The following RBFOX1 variants were observed in gnomAD, a reference collection of about 807,000 sequenced individuals.
The protein encoded by RBFOX1 is RNA binding fox-1 homolog 1.
RBFOX1 carries 8 observed loss-of-function variants against 57.7 expected under a neutral mutation model. The observed-to-expected ratio is 0.14, with a 90% CI of 0.08 to 0.25. The LOEUF (loss-of-function observed/expected upper bound fraction) is 0.25, where lower values mean the gene tolerates loss of function less well. Ranked by LOEUF, RBFOX1 falls within the 10% of genes least tolerant of loss-of-function variation. The probability of loss-of-function intolerance (pLI) is 1.00; values close to 1 mark genes in which losing one functional copy is unlikely to be tolerated. For missense variants in RBFOX1, 611 were observed against 548.5 expected, an observed-to-expected ratio of 1.11 and a Z score of -1.14; for synonymous variants, 326 against 222.4, an observed-to-expected ratio of 1.47 and a Z score of -4.15.
rs2057743477 is a variant in RBFOX1 at position 5,880,810 on chromosome 16, CTATT to C, written c.351+13479_351+13482del. Among the ~76,000 whole-genome samples, 13 of 152,302 alleles carry C rather than the reference CTATT, an allele frequency of 8.5e-5. No individual in the cohort carries two copies. The South Asian group carries it at 2.7e-3, about 32-fold the overall frequency. On this transcript the variant is annotated intron_variant, in intron 4 of 19. Coordinates refer to the RBFOX1 transcript ENST00000641259. The stretch of plus-strand genomic sequence containing the variant: ...AAAATACTTAGAATCACAAAGGAAA[CTATT>C]TATATTGAAATACATTTATTAAATA...
At chr16:5,255,322 T>TCCATCCATCCATCCATCCATCCA (rs1555468896) in intron 1 of RBFOX1, among the ~76,000 whole-genome samples, 1 of 119,372 alleles carries the variant, frequency 8.4e-6, no homozygotes, top group Admixed American at 8.3e-5. Context: ...CCACACTTCC[T>TCCATCCATCCATCCATCCATCCA]TCCATCCATC....
chr16:7,321,116 T>TACATATACATAC (rs2096538310), intron 4 of RBFOX1, among the ~76,000 whole-genome samples: 1 of 140,618 alleles, frequency 7.1e-6, no homozygotes, highest in Admixed American at 6.9e-5. Flanking sequence ...CATATACATA[T>TACATATACATAC]ACATATACAT....
chr16:6,899,967 A>G (rs2068040829), intron 3 of RBFOX1, among the ~76,000 whole-genome samples: 1 of 152,188 alleles, frequency 6.6e-6, no homozygotes, highest in African/African-American at 2.4e-5. Context: ...GGCCTTGGAC[A>G]AGGTTAATTT....
chr16:6,699,299 C>CTT (rs36062118), intron 3 of RBFOX1, among the ~76,000 whole-genome samples: 3 of 141,650 alleles, frequency 2.1e-5, no homozygotes, highest in African/African-American at 2.6e-5. Context: ...CCCTATGTTA[C>CTT]TTTTTTTTTT....
intron 4 of RBFOX1, among the ~76,000 whole-genome samples, chr16:7,432,582 C>A (rs1039130710): frequency 1.3e-5 from 2 of 152,208 alleles, no homozygotes; most frequent in African/African-American, 4.8e-5. Flanking sequence ...CATCTGGTCT[C>A]TGTCACAACT....
intron 4 of RBFOX1, among the ~76,000 whole-genome samples, chr16:7,123,576 G>T (rs1220709199): frequency 6.6e-6 from 1 of 151,984 alleles, no homozygotes; most frequent in African/African-American, 2.4e-5. Flanking sequence ...TATTGTCCAG[G>T]TTGGTCTCAA....
At chr16:6,221,310 C>T (rs575810638) in intron 1 of RBFOX1, among the ~76,000 whole-genome samples, 2 of 152,236 alleles carry the variant, frequency 1.3e-5, no homozygotes, top group Admixed American at 1.3e-4. Context: ...TGTATCACTG[C>T]TGTTTAATTT....
At chr16:5,668,795 G>A (rs755664623) in intron 3 of RBFOX1, among the ~76,000 whole-genome samples, 5 of 152,068 alleles carry the variant, frequency 3.3e-5, no homozygotes, top group East Asian at 1.9e-4. Flanking sequence ...CCATTATCTC[G>A]GAAATGCTCG....
chr16:5,693,542 G>A (rs1596789759), intron 3 of RBFOX1, among the ~76,000 whole-genome samples: 1 of 151,978 alleles, frequency 6.6e-6, no homozygotes, highest in African/African-American at 2.4e-5. Flanking sequence ...ATATGTTGGG[G>A]GAAGGAGAAA....
intron 2 of RBFOX1, among the ~76,000 whole-genome samples, chr16:5,538,414 T>G (rs1445752335): frequency 7.3e-6 from 1 of 136,388 alleles, no homozygotes; most frequent in Non-Finnish European, 1.7e-5. Flanking sequence ...AATAAACTAC[T>G]GTTCAGGGAG....
intron 3 of RBFOX1, among the ~76,000 whole-genome samples, chr16:5,741,208 T>C (rs1230712420): frequency 6.6e-6 from 1 of 152,098 alleles, no homozygotes; most frequent in Non-Finnish European, 1.5e-5. Flanking sequence ...CCTGCATCTG[T>C]CCTTGGGGCT....
In RBFOX1 at chr16:7,598,635, G is replaced by A. The variant is rs114025477; in HGVS notation, c.622+1204G>A. 6.7e-3 allele frequency among the ~76,000 whole-genome samples: 1,019 copies of A among 152,098 alleles called. 15 individuals are homozygous for A. The highest frequency in any genetic ancestry group is 0.023 in the African/African-American group (964 of 41,488). ...ATTGTTGTCTATAGTTTTATTTTGC[G>A]TATTCATGCCTATATATGTAGTAGG... On this transcript the variant is annotated intron_variant, in intron 9 of 15. Coordinates refer to ENST00000550418, the MANE Select transcript of RBFOX1 (RefSeq NM_018723.4).
chr16:6,581,545 G>T (rs1274586588), intron 2 of RBFOX1, among the ~76,000 whole-genome samples: 4 of 152,188 alleles, frequency 2.6e-5, no homozygotes, highest in Admixed American at 2.0e-4. Flanking sequence ...GTAGGTGAGT[G>T]CCAACAGGGG....
intron 4 of RBFOX1, among the ~76,000 whole-genome samples, chr16:7,335,274 G>A (rs138939315): frequency 2.8e-4 from 42 of 152,248 alleles, no homozygotes; most frequent in Non-Finnish European, 3.1e-4. Flanking sequence ...CCTCACTCAG[G>A]AGGCAAAGTA....
chr16:6,817,810 T>C (rs1190043951), intron 3 of RBFOX1, among the ~76,000 whole-genome samples: 4 of 152,304 alleles, frequency 2.6e-5, no homozygotes, highest in African/African-American at 9.6e-5. Flanking sequence ...CCTTATTAAC[T>C]ATAACTCAAG....
Position 6,907,969 on chromosome 16 carries a change from A to G in RBFOX1, c.-15-144088A>G, listed in dbSNP as rs551935200. On this transcript the variant is annotated intron_variant, in intron 3 of 15. Transcript: ENST00000550418. The stretch of plus-strand genomic sequence containing the variant: ...ATGTTTACATAGAGTTCTCCCCGTG[A>G]GCATGGATGTCTCTGTGTCTCTATT... Among the ~76,000 whole-genome samples, 3 of 151,774 alleles carry G rather than the reference A, an allele frequency of 2.0e-5. No homozygotes were observed. The East Asian group carries it at 5.8e-4, about 29-fold the overall frequency.
chr16:5,556,196 G>C (rs729172), intron 2 of RBFOX1, among the ~76,000 whole-genome samples: 6 of 151,960 alleles, frequency 3.9e-5, no homozygotes, highest in African/African-American at 1.5e-4. Context: ...ACATACATTC[G>C]GTCTGCAGAG....
intron 4 of RBFOX1, among the ~76,000 whole-genome samples, chr16:7,419,925 C>CTTTTTTTT (rs367626244): frequency 3.9e-5 from 4 of 101,730 alleles, no homozygotes; most frequent in Admixed American, 1.0e-4. Flanking sequence ...TTCTTTCTTC[C>CTTTTTTTT]TTTTTTTTTT....
chr16:7,684,461 T>G (rs1320945791), intron 14 of RBFOX1, among the ~76,000 whole-genome samples: 1 of 152,066 alleles, frequency 6.6e-6, no homozygotes, highest in African/African-American at 2.4e-5. Flanking sequence ...TTCAAATAGA[T>G]TAACAGATTT....
Sources: gnomAD v4.1 joint callset for allele counts (sites outside exome capture counted in the v4.1 genomes callset) on GRCh38, gnomAD v4.1.1 for gene constraint, MANE v1.5 for transcripts, NCBI Gene and HGNC (gene_info 2026-07-23, HGNC 2026-07-21) for gene names.